TBCE: variants seen among roughly 807,000 people sequenced by gnomAD.
The protein encoded by TBCE is tubulin-specific chaperone E.
In TBCE, 53 loss-of-function variants were observed where a neutral mutation model predicts 77.0. The observed-to-expected ratio is 0.69, with a 90% CI of 0.55 to 0.87. The LOEUF (loss-of-function observed/expected upper bound fraction) is 0.87. TBCE is among the 40% of genes least tolerant of loss of function. The probability of loss-of-function intolerance (pLI) is 0.00; values close to 1 mark genes in which losing one functional copy is unlikely to be tolerated. For missense variants in TBCE, 624 were observed against 622.4 expected (o/e 1.00, Z -0.03); for synonymous variants, 235 against 241.3 (o/e 0.97, Z 0.24).
At chr1:235,396,023 A>G (rs1353002859) in intron 2 of TBCE, among the ~76,000 whole-genome samples, 2 of 151,942 alleles carry the variant, frequency 1.3e-5, no homozygotes, top group African/African-American at 4.8e-5. Flanking sequence ...AAGGCTGGAT[A>G]GTATTTTATT....
intron 4 of TBCE, chr1:235,419,249 T>G: frequency 7.9e-6 from 5 of 630,586 alleles, no homozygotes; most frequent in African/African-American, 1.8e-5. Flanking sequence ...AGAGGGAGAA[T>G]TGTGTTTGGA....
chr1:235,379,504 G>A (rs575787552), intron 1 of TBCE, among the ~76,000 whole-genome samples: 29 of 152,110 alleles, frequency 1.9e-4, no homozygotes, highest in African/African-American at 5.8e-4. Context: ...CTCCAGCCTG[G>A]GCAACAGAGT....
chr1:235,441,795 CTT>C lies in TBCE; in HGVS notation c.1271-16_1271-15del, dbSNP rs772034880. On this transcript the variant is annotated splice_polypyrimidine_tract_variant and intron_variant, in intron 13 of 16. Transcript: ENST00000642610. ...GTGGCCTTTGGTTTATCATTCATCT[CTT>C]TTGCTTTCTTAAACAGAATATGGTG... 6.8e-6 allele frequency: 11 copies of C among 1,612,416 alleles called. No individual in the cohort carries two copies. The East Asian group carries it at 2.5e-4, about 36-fold the overall frequency.
At chr1:235,383,725 G>A (rs889392703) in intron 2 of TBCE, among the ~76,000 whole-genome samples, 168 of 152,260 alleles carry the variant, frequency 1.1e-3, no homozygotes, top group African/African-American at 3.7e-3. Context: ...GGCTGAGACA[G>A]TGGGGTTTTC....
In TBCE at chr1:235,380,074, G is replaced by A. The variant is rs775145831; in HGVS notation, c.25G>A (p.Val9Ile). 2 of 1,613,786 alleles carry A rather than the reference G, an allele frequency of 1.2e-6. No homozygotes were observed. The highest frequency in any genetic ancestry group is 1.7e-6 in the Non-Finnish European group (2 of 1,179,864). Residue 9 changes from valine to isoleucine, a missense_variant, in exon 2 of 17, where the codon GTC becomes ATC. Coordinates refer to ENST00000642610, the MANE Select transcript of TBCE (RefSeq NM_003193.5). MSDTLTAD[V>I]IGRRVEVNGE... ...AATGAGTGACACTTTGACAGCGGAT[G>A]TCATTGGTCGAAGAGTTGAAGTTAA...
Position 235,401,579 on chromosome 1 carries a change from T to C in TBCE, c.177T>C (p.Phe59=). 6.2e-7 allele frequency: 1 copy of C among 1,613,426 alleles called. No homozygotes were observed. Among genetic ancestry groups the C allele is most frequent in the Non-Finnish European group, 8.5e-7 (1 of 1,179,488 alleles). The change falls in exon 3 of 17, where the codon TTT becomes TTC. Residue 59 remains phenylalanine (F), a synonymous_variant. Coordinates refer to ENST00000642610, the MANE Select transcript of TBCE (RefSeq NM_003193.5). ...GGAGCCACGAAGGGACTGTGTATTT[T>C]AAATGCAGGTAACTTTTCATTATGA... ...HDGSHEGTVY[F]KCRHPTGGSF... is the part of the protein sequence containing the mutation.
chr1:235,403,147 G>T (rs2102860595), intron 3 of TBCE, among the ~76,000 whole-genome samples: 1 of 152,242 alleles, frequency 6.6e-6, no homozygotes, highest in South Asian at 2.1e-4. Flanking sequence ...AAATATTTTA[G>T]CCAGGCCCAC....
intron 2 of TBCE, among the ~76,000 whole-genome samples, chr1:235,381,422 C>T (rs1420772705): frequency 6.6e-6 from 1 of 151,966 alleles, no homozygotes; most frequent in Non-Finnish European, 1.5e-5. Context: ...CGGTGGCTCA[C>T]ACCTGTATTC....
At chr1:235,380,181 G>A in intron 2 of TBCE, 32 bp downstream of exon 2, 1 of 825,850 alleles carries the variant, frequency 1.2e-6, no homozygotes, top group Non-Finnish European at 1.7e-6. Flanking sequence ...GTGTGTGTGT[G>A]TGTGTGTGTG....
At chr1:235,402,831 A>G (rs972944440) in intron 3 of TBCE, among the ~76,000 whole-genome samples, 1 of 151,988 alleles carries the variant, frequency 6.6e-6, no homozygotes, top group South Asian at 2.1e-4. Context: ...AAGTTTTTCT[A>G]TGCTGCCCAG....
intron 5 of TBCE, among the ~76,000 whole-genome samples, chr1:235,420,708 C>G (rs149009375): frequency 6.4e-4 from 98 of 152,320 alleles, no homozygotes; most frequent in African/African-American, 2.3e-3. Context: ...GTCTTGATCT[C>G]TTGACCTGGT....
In TBCE at chr1:235,448,734, A is replaced by ATGGAGATTGTCTATT; in HGVS notation, c.1557_1571dup (p.Leu523_Leu524insPheGlyAspCysLeu). 6.2e-7 allele frequency: 1 copy of ATGGAGATTGTCTATT among 1,614,024 alleles called. No individual in the cohort carries two copies. The highest frequency in any genetic ancestry group is 8.5e-7 in the Non-Finnish European group (1 of 1,179,910). On this transcript the variant is annotated inframe_insertion, in exon 17 of 17. Coordinates refer to ENST00000642610, the MANE Select transcript of TBCE (RefSeq NM_003193.5). ...TCATTACAGTTTTATTCTGTGGAAAATGGAGATTGTCTATTAGTGCGATGG... is the reference window on the plus strand; with the variant it reads ...TCATTACAGTTTTATTCTGTGGAAAATGGAGATTGTCTATTTGGAGATTGTCTATTAGTGCGATGG...
chr1:235,394,592 A>G (rs1269343721), intron 2 of TBCE, among the ~76,000 whole-genome samples: 1 of 151,322 alleles, frequency 6.6e-6, no homozygotes, highest in African/African-American at 2.4e-5. Flanking sequence ...CACCATGCCC[A>G]GCTAATTTTT....
chr1:235,376,544 G>A (rs1035018209), intron 1 of TBCE, among the ~76,000 whole-genome samples: 3 of 152,058 alleles, frequency 2.0e-5, no homozygotes, highest in Non-Finnish European at 4.4e-5. Flanking sequence ...CATTTTATTC[G>A]TCCCTCTTCT....
chr1:235,384,930 C>T lies in TBCE; in HGVS notation c.100+4781C>T, dbSNP rs574812346. Among the ~76,000 whole-genome samples the T allele has an allele frequency of 2.0e-5, 3 of 151,592 alleles. No homozygotes were observed. The South Asian group carries it at 6.3e-4, about 32-fold the overall frequency. On this transcript the variant is annotated intron_variant, in intron 2 of 16. Transcript: ENST00000642610. ...GTTAGGGTGTCAATTTTGGATCTTT[C>T]CTGCTTTCTCTTGTGGGCATTTAGT... is the stretch of plus-strand genomic sequence containing the variant.
chr1:235,438,853 G>A lies in TBCE; in HGVS notation c.1201G>A (p.Asp401Asn). ...GTGGAAACAGGCTGGTGGACATAAG[G>A]ATCCGGAAAAAAACAGACTCAGCGA... is the stretch of plus-strand genomic sequence containing the variant. ...NEWKQAGGHK[D>N]PEKNRLSEEF... is the part of the protein sequence containing the mutation. Residue 401 changes from aspartate to asparagine, a missense_variant, in exon 13 of 17, where the codon GAT (aspartate) becomes AAT (asparagine). Coordinates refer to ENST00000642610, the MANE Select transcript of TBCE (RefSeq NM_003193.5). 1 of 1,614,098 alleles carries A rather than the reference G, an allele frequency of 6.2e-7. No individual in the cohort carries two copies. Among genetic ancestry groups the A allele is most frequent in the Non-Finnish European group, 8.5e-7 (1 of 1,180,014 alleles).
intron 15 of TBCE, among the ~76,000 whole-genome samples, chr1:235,445,225 G>C (rs1365427086): frequency 6.6e-6 from 1 of 152,072 alleles, no homozygotes; most frequent in African/African-American, 2.4e-5. Context: ...TTGCTTTTCT[G>C]TTTCTCAAAT....
chr1:235,415,839 A>G (rs994321957), intron 4 of TBCE: 1 of 152,160 alleles, frequency 6.6e-6, no homozygotes, highest in Non-Finnish European at 1.5e-5. Flanking sequence ...ATTGAACAAA[A>G]AAGTATCATG....
chr1:235,414,567 G>T lies in TBCE; in HGVS notation c.320G>T (p.Gly107Val), dbSNP rs1558372966. 1 of 1,613,832 alleles carries T rather than the reference G, an allele frequency of 6.2e-7. No individual in the cohort carries two copies. The highest frequency in any genetic ancestry group is 1.3e-5 in the African/African-American group (1 of 75,030). Residue 107 changes from glycine (G) to valine (V), a missense_variant, in exon 4 of 17, where the codon GGA becomes GTA. By Grantham distance (109) the Gly-to-Val change is moderately radical. Coordinates refer to ENST00000642610, the MANE Select transcript of TBCE (RefSeq NM_003193.5). ...EDRKEQIVTI[G>V]NKPVETIGFD... ...AGAAAAGAGCAAATTGTTACAATTG[G>T]AAATAAACCTGTGGAGACTATCGGT...
Sources: gnomAD v4.1 joint callset for allele counts (sites outside exome capture counted in the v4.1 genomes callset) on GRCh38, gnomAD v4.1.1 for gene constraint, MANE v1.5 for transcripts, NCBI Gene and HGNC (gene_info 2026-07-23, HGNC 2026-07-21) for gene names.